IRX6: variants seen among roughly 807,000 people sequenced by gnomAD.
IRX6 encodes the protein iroquois homeobox 6.
In IRX6, 46 loss-of-function variants were observed where a neutral mutation model predicts 47.7. That is an observed-to-expected ratio of 0.96 (90% confidence interval 0.76 to 1.23). The LOEUF is 1.23. Ranked by LOEUF, IRX6 falls within the 50% of genes most tolerant of loss-of-function variation. The pLI is 0.00. For synonymous variants in IRX6, 265 were observed against 246.2 expected (o/e 1.08, Z -0.72); for missense variants, 722 against 588.0 (o/e 1.23, Z -2.36).
Position 55,325,185 on chromosome 16 carries a change from T to G in IRX6, c.45+49T>G, listed in dbSNP as rs776030103. 1.9e-6 allele frequency: 3 copies of G among 1,575,954 alleles called. No individual in the cohort carries two copies. In the African/African-American group the frequency reaches 4.1e-5, roughly 21 times the overall value. ...TAGGGGACAGACTGGGTGGAGGGAG[T>G]GCCTAGTGCACGGCGCCTGCCTCTG... On this transcript the variant is annotated intron_variant, in intron 1 of 5. Transcript: ENST00000290552.
chr16:55,324,794 G>C lies in IRX6; in HGVS notation c.-298G>C. 4.1e-6 allele frequency: 2 copies of C among 488,200 alleles called. No homozygotes were observed. Among genetic ancestry groups the C allele is most frequent in the Non-Finnish European group, 7.4e-6 (2 of 270,348 alleles). 30.2% of individuals were successfully genotyped at this position (488,200 alleles called of 1,614,324 possible). On this transcript the variant is annotated 5_prime_UTR_variant, in exon 1 of 6. Transcript: ENST00000290552. This position sits in a 1 kb window ranked among gnomAD's most constrained non-coding sequence, Gnocchi z 4.4. ...GCCTCACAGCCCCGCGCCGCGCCGCGCCTCACCTCGCCACCACGCGCCTTT... is the reference window on the plus strand; with the variant it reads ...GCCTCACAGCCCCGCGCCGCGCCGCCCCTCACCTCGCCACCACGCGCCTTT...
In IRX6 at chr16:55,326,491, C is replaced by T. The variant is rs779902556; in HGVS notation, c.201C>T (p.Ala67=). ...LGSARPELGA[A]LGIYGAPYAA... is the part of the protein sequence containing the mutation. The stretch of plus-strand genomic sequence containing the variant: ...GTGCGCGACCGGAGCTGGGCGCCGC[C>T]TTGGGCATCTATGGAGCACCCTATG... The change falls in exon 2 of 6, where the codon GCC becomes GCT. Residue 67 remains alanine, a synonymous_variant. Transcript: ENST00000290552. The T allele has an allele frequency of 1.2e-6, 2 of 1,612,734 alleles. No homozygotes were observed. Among genetic ancestry groups the T allele is most frequent in the Non-Finnish European group, 1.7e-6 (2 of 1,179,676 alleles).
chr16:55,328,032 C>T (rs1960568201), intron 4 of IRX6, 139 bp downstream of exon 4: 2 of 792,894 alleles, frequency 2.5e-6, no homozygotes, highest in African/African-American at 1.7e-5. Context: ...TGTCTCAGAG[C>T]ATTAGCCTGT....
rs747843334 is a variant in IRX6, at chr16:55,326,512, C to G, written c.222C>G (p.Pro74=). 2 of 1,608,588 alleles carry G rather than the reference C, an allele frequency of 1.2e-6. No homozygotes were observed. The highest frequency in any genetic ancestry group is 3.4e-5 in the Admixed American group (2 of 59,390). Residue 74 remains proline, a synonymous_variant, in exon 2 of 6, where the codon CCC becomes CCG. Coordinates refer to ENST00000290552, the MANE Select transcript of IRX6 (RefSeq NM_024335.3). ...CCGCCTTGGGCATCTATGGAGCACC[C>G]TATGCGGCCGCTGCAGCTGCCCAGA... The part of the protein sequence containing the change: ...LGAALGIYGA[P]YAAAAAAQSY...
At position 55,325,499 on chromosome 16, in the gene IRX6, G is replaced by T. The variant is rs1462400720; in HGVS notation, c.45+363G>T. On this transcript the variant is annotated intron_variant, in intron 1 of 5. Transcript: ENST00000290552. ...AGAAATAAGGAAGGAAGGAAGGAAG[G>T]AAGGAAGGAAGGAAGGAAGGAAGGA... is the stretch of plus-strand genomic sequence containing the variant. Among the ~76,000 whole-genome samples, 58 of 20,274 alleles carry T rather than the reference G, an allele frequency of 2.9e-3. 3 individuals are homozygous for T. The highest frequency in any genetic ancestry group is 0.022 in the African/African-American group (55 of 2,526). 13.3% of individuals were successfully genotyped at this position (20,274 alleles called of 152,430 possible).
chr16:55,328,193 C>G (rs1333529383), intron 4 of IRX6, among the ~76,000 whole-genome samples: 1 of 152,174 alleles, frequency 6.6e-6, no homozygotes, highest in Non-Finnish European at 1.5e-5. Flanking sequence ...CTTTGCCATA[C>G]TTGTCACTGT....
chr16:55,325,654 ATTG>A (rs1331227737), intron 1 of IRX6: 2 of 153,138 alleles, frequency 1.3e-5, no homozygotes, highest in East Asian at 1.9e-4. Flanking sequence ...ATCTCACCAT[ATTG>A]TTGTTGATTT....
Position 55,328,780 on chromosome 16 carries a change from G to A in IRX6, c.802G>A (p.Glu268Lys). Residue 268 changes from glutamate to lysine, a missense_variant, in exon 5 of 6, where the codon GAA (glutamate) becomes AAA (lysine). By Grantham distance (56) the Glu-to-Lys change is moderately conservative (BLOSUM62 1). Coordinates refer to ENST00000290552, the MANE Select transcript of IRX6 (RefSeq NM_024335.3). ...GGAGGAAGAGGAGGAGGAGGAGGAG[G>A]AAGCTGAAGACGAGGAGGTAGTGGC... ...DLEEEEEEEE[E>K]AEDEEVVATA... 2.5e-6 allele frequency: 4 copies of A among 1,613,250 alleles called. No individual in the cohort carries two copies. The highest frequency in any genetic ancestry group is 2.5e-6 in the Non-Finnish European group (3 of 1,180,026).
At chr16:55,329,663 C>T (rs1167427716) in intron 5 of IRX6, among the ~76,000 whole-genome samples, 1 of 144,592 alleles carries the variant, frequency 6.9e-6, no homozygotes, top group Non-Finnish European at 1.5e-5. Flanking sequence ...ACGCCCTTGT[C>T]CCCTGCCTGC....
At position 55,328,897 on chromosome 16, in the gene IRX6, A is replaced by C. The variant is rs370763586; in HGVS notation, c.919A>C (p.Arg307=). 4.0e-4 allele frequency: 639 copies of C among 1,613,162 alleles called. 2 individuals are homozygous for C. In the Middle Eastern group the frequency reaches 7.8e-3, roughly 20 times the overall value. The change falls in exon 5 of 6, where the codon AGG becomes CGG. Residue 307 remains arginine (R), a synonymous_variant. Coordinates refer to ENST00000290552, the MANE Select transcript of IRX6 (RefSeq NM_024335.3). The part of the protein sequence containing the change: ...AAAREGRLER[R]ECGLAAPRFS... ...AGCTCGAGAGGGCCGATTGGAGCGC[A>C]GGGAGTGCGGCCTGGCTGCGCCCCG... is the stretch of plus-strand genomic sequence containing the variant.
intron 5 of IRX6, among the ~76,000 whole-genome samples, chr16:55,329,750 A>G (rs1035098572): frequency 3.8e-4 from 58 of 152,172 alleles, no homozygotes; most frequent in African/African-American, 1.3e-3. Flanking sequence ...CAGGGCTTTT[A>G]GAGAAGTCTA....
chr16:55,326,007 G>T (rs1960514574), intron 1 of IRX6: 1 of 300,946 alleles, frequency 3.3e-6, no homozygotes, highest in Non-Finnish European at 6.2e-6. Flanking sequence ...ATCCTGGGAG[G>T]AGGGTAGGGA....
rs568605951 is a variant in IRX6, at chr16:55,325,456, A to T, written c.45+320A>T. Among the ~76,000 whole-genome samples the T allele has an allele frequency of 2.9e-3, 414 of 140,754 alleles. 10 individuals carry two copies. Among genetic ancestry groups the T allele is most frequent in the African/African-American group, 0.01 (379 of 36,480 alleles). 92.3% of individuals were successfully genotyped at this position (140,754 alleles called of 152,430 possible). ...GTCTGAGGTGGCCGGGAGAGAAAGAAAGAAAGAAAAGAAAGAAAGAAATAA... is the reference window on the plus strand; with the variant it reads ...GTCTGAGGTGGCCGGGAGAGAAAGATAGAAAGAAAAGAAAGAAAGAAATAA... On this transcript the variant is annotated intron_variant, in intron 1 of 5. Transcript: ENST00000290552.
At chr16:55,326,641 G>A in intron 2 of IRX6, 48 bp downstream of exon 2, 3 of 1,456,720 alleles carry the variant, frequency 2.1e-6, no homozygotes, top group Non-Finnish European at 1.8e-6. Flanking sequence ...AGAGACAGGT[G>A]AAATCCAGAG....
chr16:55,330,341 T>C lies in IRX6; in HGVS notation c.*36T>C. On this transcript the variant is annotated 3_prime_UTR_variant, in exon 6 of 6. Transcript: ENST00000290552. ...GCGATTTGCGAAAGAATCTTGGAAA[T>C]GGGCCCCACGTTTCGAATTCATCTC... 2 of 1,609,558 alleles carry C rather than the reference T, an allele frequency of 1.2e-6. No individual in the cohort carries two copies. The highest frequency in any genetic ancestry group is 1.3e-5 in the African/African-American group (1 of 74,968).
chr16:55,324,964 G>T lies in IRX6; in HGVS notation c.-128G>T. ...CTGCCTCCACTGGGGCCAACCAGGC[G>T]AAGGAACCGGCGCTGGGCATCCGCA... is the stretch of plus-strand genomic sequence containing the variant. On this transcript the variant is annotated 5_prime_UTR_variant, in exon 1 of 6. Coordinates refer to ENST00000290552, the MANE Select transcript of IRX6 (RefSeq NM_024335.3). The surrounding 1 kb of genome is among the most constrained non-coding windows in gnomAD (Gnocchi z 4.4). 1 of 1,005,690 alleles carries T rather than the reference G, an allele frequency of 9.9e-7. No homozygotes were observed. The highest frequency in any genetic ancestry group is 1.6e-5 in the African/African-American group (1 of 63,270). 62.3% of individuals were successfully genotyped at this position (1,005,690 alleles called of 1,614,324 possible). A position where few individuals can be genotyped will look rare whatever the true frequency, so the allele number is the denominator to read the frequency against.
In IRX6 at chr16:55,326,344, G is replaced by A. The variant is rs552494648; in HGVS notation, c.54G>A (p.Ala18=). The A allele has an allele frequency of 1.3e-5, 21 of 1,612,722 alleles. No individual in the cohort carries two copies. The highest frequency in any genetic ancestry group is 1.1e-4 in the African/African-American group (8 of 74,992). The change falls in exon 2 of 6, where the codon GCG becomes GCA. Residue 18 remains alanine (A), a synonymous_variant. Coordinates refer to ENST00000290552, the MANE Select transcript of IRX6 (RefSeq NM_024335.3). ...HPYRGASQFL[A]SASSSTTCCE... is the part of the protein sequence containing the mutation. ...CTTTCTTGCCCCTATAGTTTCTGGCGTCGGCAAGTTCCAGCACCACATGCT... is the reference window on the plus strand; with the variant it reads ...CTTTCTTGCCCCTATAGTTTCTGGCATCGGCAAGTTCCAGCACCACATGCT...
At chr16:55,325,372 G>T (rs1960491313) in intron 1 of IRX6, among the ~76,000 whole-genome samples, 1 of 151,462 alleles carries the variant, frequency 6.6e-6, no homozygotes, top group South Asian at 2.1e-4. Flanking sequence ...CTGACCACGC[G>T]CTCAGTGAGG....
intron 2 of IRX6, among the ~76,000 whole-genome samples, chr16:55,327,091 C>T (rs558804397): frequency 1.3e-5 from 2 of 152,078 alleles, no homozygotes; most frequent in Non-Finnish European, 2.9e-5. Flanking sequence ...TGGTCTTCTT[C>T]AATAACCTAT....
Sources: gnomAD v4.1 joint callset for allele counts (sites outside exome capture counted in the v4.1 genomes callset) on GRCh38, gnomAD v4.1.1 for gene constraint, Gnocchi (gnomAD v3.1) non-coding constraint, MANE v1.5 for transcripts, NCBI Gene and HGNC (gene_info 2026-07-23, HGNC 2026-07-21) for gene names.